Variants in TGDS observed in about 807,000 individuals in gnomAD.
The protein encoded by TGDS is UDP-D-glucose 4,6-dehydratase.
In TGDS, 47 loss-of-function variants were observed where a neutral mutation model predicts 52.3. The observed-to-expected ratio is 0.90, with a 90% CI of 0.71 to 1.15. TGDS has a LOEUF of 1.15. Among genes scored for constraint, TGDS ranks in the 50% most tolerant of loss-of-function variants. The pLI is 0.00. For synonymous variants in TGDS, 115 were observed against 136.9 expected, an observed-to-expected ratio of 0.84 and a Z score of 1.12; for missense variants, 375 against 418.4, an observed-to-expected ratio of 0.90 and a Z score of 0.90.
rs753410304 is a variant in TGDS, at chr13:94,581,182, T to C, written c.464A>G (p.Asp155Gly). The C allele has an allele frequency of 1.3e-6, 2 of 1,567,710 alleles. No homozygotes were observed. Among genetic ancestry groups the C allele is most frequent in the Non-Finnish European group, 1.7e-6 (2 of 1,156,006 alleles). ...TGTAGGTTGTTTGGGTGAAGATTCA[T>C]CAAATTCCTATTTTTAAAAATATAT... ...VYGGSLDKEF[D>G]ESSPKQPTNP... Residue 155 changes from aspartate to glycine, a missense_variant, in exon 6 of 12, where the codon GAT becomes GGT. Physicochemically the swap from Asp to Gly is moderately conservative, Grantham distance 94. Coordinates refer to ENST00000261296, the MANE Select transcript of TGDS (RefSeq NM_014305.4).
At position 94,582,709 on chromosome 13, in the gene TGDS, G is replaced by C. The variant is rs556706942; in HGVS notation, c.456+385C>G. Among the ~76,000 whole-genome samples, 10 of 152,300 alleles carry C rather than the reference G, an allele frequency of 6.6e-5. No homozygotes were observed. In the East Asian group the frequency reaches 1.7e-3, roughly 26 times the overall value. On this transcript the variant is annotated intron_variant, in intron 5 of 11. Transcript: ENST00000261296. ...GCACCATCTAATCAGCTGCCAGAGT[G>C]GCTAGAATATAAAGCAGGCAGAAAA...
chr13:94,579,465 A>AGT (rs1888713500), intron 7 of TGDS: 1 of 153,606 alleles, frequency 6.5e-6, no homozygotes, highest in Non-Finnish European at 1.4e-5. Flanking sequence ...GCTGACACTA[A>AGT]GACAGTTAAT....
chr13:94,575,323 G>A (rs1163056724), intron 11 of TGDS, among the ~76,000 whole-genome samples: 2 of 136,846 alleles, frequency 1.5e-5, no homozygotes, highest in Middle Eastern at 3.8e-3. Context: ...ATGGGGTCTC[G>A]CTGTCACCCA....
intron 4 of TGDS, among the ~76,000 whole-genome samples, chr13:94,583,523 T>A (rs1487547367): frequency 1.3e-5 from 2 of 152,192 alleles, no homozygotes; most frequent in African/African-American, 4.8e-5. Flanking sequence ...AAATTTAAAA[T>A]GTTTTTAAAT....
At chr13:94,585,985 G>A (rs1023472382) in intron 4 of TGDS, among the ~76,000 whole-genome samples, 2 of 151,980 alleles carry the variant, frequency 1.3e-5, no homozygotes, top group African/African-American at 4.8e-5. Flanking sequence ...TTCCAAACTA[G>A]TAGAGGGAGA....
intron 4 of TGDS, among the ~76,000 whole-genome samples, chr13:94,586,720 G>C (rs1888996126): frequency 6.7e-6 from 1 of 149,064 alleles, no homozygotes. Context: ...ACGTGTCTAA[G>C]TAACCCACGG....
chr13:94,576,006 A>C (rs903295320), intron 11 of TGDS, among the ~76,000 whole-genome samples: 7 of 152,240 alleles, frequency 4.6e-5, no homozygotes, highest in Admixed American at 2.0e-4. Flanking sequence ...ATAAGACACC[A>C]GTGATTATAA....
intron 2 of TGDS, among the ~76,000 whole-genome samples, chr13:94,592,988 T>C (rs1035440897): frequency 6.6e-6 from 1 of 151,982 alleles, no homozygotes; most frequent in Non-Finnish European, 1.5e-5. Flanking sequence ...ACCCCATCTC[T>C]ACTAAAAATA....
Position 94,575,398 on chromosome 13 carries a change from T to C in TGDS, c.983-546A>G, listed in dbSNP as rs1235049128. 2.0e-5 allele frequency among the ~76,000 whole-genome samples: 3 copies of C among 149,512 alleles called. No individual in the cohort carries two copies. The Admixed American group carries it at 2.0e-4, about 10-fold the overall frequency. ...CCAAACTCCTGGGCTCAAGAGATCC[T>C]CCTACCTCACCCTCCTAAATAGCTA... On this transcript the variant is annotated intron_variant, in intron 11 of 11. Coordinates refer to ENST00000261296, the MANE Select transcript of TGDS (RefSeq NM_014305.4).
chr13:94,578,301 T>C (rs1340712960), intron 8 of TGDS, 131 bp from the exon 9 acceptor site: 3 of 901,076 alleles, frequency 3.3e-6, no homozygotes, highest in Non-Finnish European at 5.0e-6. Context: ...AAAATACAAA[T>C]TCTCGTAGCT....
At chr13:94,595,402 C>T (rs971302807) in intron 1 of TGDS, among the ~76,000 whole-genome samples, 3 of 152,200 alleles carry the variant, frequency 2.0e-5, no homozygotes, top group African/African-American at 7.2e-5. Context: ...TTAAGAAACA[C>T]TGACTTGTAT....
intron 4 of TGDS, among the ~76,000 whole-genome samples, chr13:94,585,970 A>G (rs1352731674): frequency 6.6e-6 from 1 of 152,196 alleles, no homozygotes; most frequent in Non-Finnish European, 1.5e-5. Flanking sequence ...AACAGAACAT[A>G]TAATTTCCAA....
At chr13:94,590,975 G>A in intron 3 of TGDS, 32 bp from the exon 4 acceptor site, 1 of 1,472,718 alleles carries the variant, frequency 6.8e-7, no homozygotes, top group Non-Finnish European at 9.3e-7. Context: ...AAAGGGCCTA[G>A]GTTTCATACA....
chr13:94,582,915 A>C (rs183888435), intron 5 of TGDS, among the ~76,000 whole-genome samples, 179 bp downstream of exon 5: 1 of 152,246 alleles, frequency 6.6e-6, no homozygotes, highest in African/African-American at 2.4e-5. Context: ...GTTAATACTT[A>C]ATAAATTCCC....
intron 5 of TGDS, among the ~76,000 whole-genome samples, chr13:94,581,813 T>C (rs926991472): frequency 1.7e-4 from 26 of 152,310 alleles, no homozygotes; most frequent in Non-Finnish European, 8.8e-5. Context: ...CAGAATGAGA[T>C]CACTGCAGAC....
intron 4 of TGDS, among the ~76,000 whole-genome samples, chr13:94,586,971 C>T (rs1889012513): frequency 6.6e-6 from 1 of 151,866 alleles, no homozygotes; most frequent in Non-Finnish European, 1.5e-5. Flanking sequence ...CACCATGTTG[C>T]CCAGGCTGGT....
chr13:94,594,927 T>C (rs76649081), intron 1 of TGDS, among the ~76,000 whole-genome samples: 1 of 152,288 alleles, frequency 6.6e-6, no homozygotes, highest in South Asian at 2.1e-4. Flanking sequence ...TAAAGACTTA[T>C]ATAGAATGGG....
intron 2 of TGDS, among the ~76,000 whole-genome samples, chr13:94,593,602 C>T (rs1889278901): frequency 6.6e-6 from 1 of 151,962 alleles, no homozygotes; most frequent in African/African-American, 2.4e-5. Context: ...AAAGTAGCAA[C>T]TGAAAAAAAC....
intron 3 of TGDS, among the ~76,000 whole-genome samples, chr13:94,591,539 G>C (rs1372308416): frequency 6.6e-6 from 1 of 152,198 alleles, no homozygotes; most frequent in Admixed American, 6.5e-5. Flanking sequence ...GTCGCAGTGA[G>C]CTGAGATCAC....
Sources: allele counts gnomAD v4.1 joint callset (sites outside exome capture counted in the v4.1 genomes callset), GRCh38; gene constraint gnomAD v4.1.1; transcripts MANE v1.5; gene names NCBI Gene and HGNC (gene_info 2026-07-23, HGNC 2026-07-21).